The following FTO variants were observed in gnomAD, a reference collection of about 807,000 sequenced individuals.
FTO encodes FTO alpha-ketoglutarate dependent dioxygenase.
Under a neutral mutation model 63.9 loss-of-function variants are expected in FTO, and 47 were observed. The ratio of observed to expected loss-of-function variants is 0.74; its 90% CI spans 0.58 to 0.94. The LOEUF (loss-of-function observed/expected upper bound fraction) is 0.94. Ranked by LOEUF, FTO falls within the 40% of genes least tolerant of loss-of-function variation. The probability of loss-of-function intolerance (pLI) is 0.00; values close to 1 mark genes in which losing one functional copy is unlikely to be tolerated. For synonymous variants in FTO, 207 were observed against 224.4 expected (o/e 0.92, Z 0.69); for missense variants, 562 against 618.1 (o/e 0.91, Z 0.96).
chr16:53,736,122 C>T (rs1016944556), intron 1 of FTO, among the ~76,000 whole-genome samples: 1 of 152,162 alleles, frequency 6.6e-6, no homozygotes, highest in East Asian at 1.9e-4. Flanking sequence ...TGTGTTCAAA[C>T]TGCTCCAGCT....
At chr16:54,059,519 A>G (rs2085519667) in intron 8 of FTO, among the ~76,000 whole-genome samples, 1 of 152,014 alleles carries the variant, frequency 6.6e-6, no homozygotes, top group African/African-American at 2.4e-5. Context: ...GGGTCATGGC[A>G]CTCATAATTT....
chr16:53,892,155 C>T (rs1234140817), intron 7 of FTO, among the ~76,000 whole-genome samples: 2 of 151,946 alleles, frequency 1.3e-5, no homozygotes, highest in Admixed American at 1.3e-4. Flanking sequence ...TGGTTCTGTT[C>T]GTTTAGTACC....
chr16:53,877,758 G>T (rs1239495354), intron 5 of FTO, among the ~76,000 whole-genome samples: 2 of 151,216 alleles, frequency 1.3e-5, no homozygotes, highest in South Asian at 2.1e-4. Context: ...CTCAAACTAG[G>T]CCTGATTATA....
intron 8 of FTO, among the ~76,000 whole-genome samples, chr16:53,938,650 A>G (rs1412142074): frequency 6.6e-6 from 1 of 152,250 alleles, no homozygotes; most frequent in Non-Finnish European, 1.5e-5. Flanking sequence ...ATGAGAATGT[A>G]GAAAGTTCCT....
intron 4 of FTO, among the ~76,000 whole-genome samples, chr16:53,866,812 C>G (rs2080330724): frequency 6.6e-6 from 1 of 151,922 alleles, no homozygotes; most frequent in South Asian, 2.1e-4. Flanking sequence ...TTAAAAGAAC[C>G]AACTTTTGCT....
At chr16:54,089,610 G>C (rs1314480426) in intron 8 of FTO, among the ~76,000 whole-genome samples, 1 of 152,134 alleles carries the variant, frequency 6.6e-6, no homozygotes, top group Non-Finnish European at 1.5e-5. Flanking sequence ...GTATAGAATG[G>C]AAGAAAATAT....
chr16:54,057,903 GC>G (rs1312923131), intron 8 of FTO, among the ~76,000 whole-genome samples: 2 of 152,004 alleles, frequency 1.3e-5, no homozygotes, highest in African/African-American at 4.8e-5. Context: ...CTAATATGTT[GC>G]TGGTGAGCAG....
chr16:54,086,403 C>T (rs2144533239), intron 8 of FTO, among the ~76,000 whole-genome samples: 1 of 152,214 alleles, frequency 6.6e-6, no homozygotes, highest in South Asian at 2.1e-4. Flanking sequence ...CAATTAAGGA[C>T]AAGATTAGCA....
chr16:54,026,890 A>G (rs571131794), intron 8 of FTO, among the ~76,000 whole-genome samples: 2 of 152,326 alleles, frequency 1.3e-5, no homozygotes, highest in African/African-American at 4.8e-5. Flanking sequence ...CCTTTTTGCA[A>G]TGCAACGCAC....
At chr16:53,749,463 A>T (rs192581386) in intron 1 of FTO, among the ~76,000 whole-genome samples, 1 of 150,790 alleles carries the variant, frequency 6.6e-6, no homozygotes, top group Non-Finnish European at 1.5e-5. Flanking sequence ...TTTGAGACGA[A>T]GTCTTCGCTC....
intron 8 of FTO, among the ~76,000 whole-genome samples, chr16:54,022,110 G>A (rs2084615335): frequency 1.3e-5 from 2 of 152,084 alleles, no homozygotes; most frequent in East Asian, 1.9e-4. Context: ...CTTCACCTGA[G>A]TTTTCTTTAT....
chr16:53,836,329 AGT>A (rs1300814610), intron 3 of FTO, among the ~76,000 whole-genome samples: 1 of 152,218 alleles, frequency 6.6e-6, no homozygotes, highest in Non-Finnish European at 1.5e-5. Context: ...GCTCCCTTCC[AGT>A]GTCTGCTTCC....
chr16:53,896,919 C>T (rs1377396606), intron 7 of FTO, among the ~76,000 whole-genome samples: 1 of 152,110 alleles, frequency 6.6e-6, no homozygotes, highest in Admixed American at 6.5e-5. Flanking sequence ...CCATATTGTA[C>T]AGAAATGTCT....
rs537620219 is a variant in FTO, at chr16:53,982,119, A to C, written c.1364+48010A>C. Among the ~76,000 whole-genome samples the C allele has an allele frequency of 9.2e-5, 14 of 152,178 alleles. 1 individual carries two copies. The East Asian group carries it at 1.2e-3, about 13-fold the overall frequency. On this transcript the variant is annotated intron_variant, in intron 8 of 8. Transcript: ENST00000471389. ...AACAAGACATTCTTAGCTTCATTTC[A>C]ATATCTCCATCCTAAGCCTTAGAGA... is the stretch of plus-strand genomic sequence containing the variant.
At chr16:53,931,298 C>CTT (rs869204000) in intron 7 of FTO, among the ~76,000 whole-genome samples, 25 of 101,930 alleles carry the variant, frequency 2.5e-4, no homozygotes, top group African/African-American at 5.3e-4. Context: ...AACTATGTGA[C>CTT]TTTTTTTTTT....
chr16:54,097,863 G>A (rs1400891096), intron 8 of FTO, among the ~76,000 whole-genome samples: 16 of 152,208 alleles, frequency 1.1e-4, no homozygotes, highest in African/African-American at 3.6e-4. Context: ...TCCTGAGTAA[G>A]GCGGTCAAGG....
At chr16:53,949,217 T>A (rs923186711) in intron 8 of FTO, among the ~76,000 whole-genome samples, 1 of 152,186 alleles carries the variant, frequency 6.6e-6, no homozygotes, top group Non-Finnish European at 1.5e-5. Flanking sequence ...AGCTCCCATC[T>A]CCTCCATGGG....
chr16:54,015,562 G>A (rs16945092), intron 8 of FTO, among the ~76,000 whole-genome samples: 2,574 of 152,172 alleles, frequency 0.017, 33 homozygotes, highest in African/African-American at 0.036. Flanking sequence ...AAGACGAGTC[G>A]TTTTAAAAGG....
chr16:53,891,577 T>C (rs921514215), intron 7 of FTO, among the ~76,000 whole-genome samples: 6 of 152,074 alleles, frequency 3.9e-5, no homozygotes, highest in East Asian at 1.9e-4. Context: ...GGGAGGATCA[T>C]TGGAGCCCAG....
Sources: allele counts gnomAD v4.1 joint callset (sites outside exome capture counted in the v4.1 genomes callset), GRCh38; gene constraint gnomAD v4.1.1; transcripts MANE v1.5; gene names NCBI Gene and HGNC (gene_info 2026-07-23, HGNC 2026-07-21).